QTGAL: variants seen among roughly 807,000 people sequenced by gnomAD.
The protein encoded by QTGAL is queuosine-tRNA galactosyltransferase, also known as BGnT-like protein 1.
the QTGAL span, among the ~76,000 whole-genome samples, chr17:83,029,485 G>A: frequency 6.6e-6 from 1 of 152,160 alleles, no homozygotes; most frequent in Admixed American, 6.5e-5. Flanking sequence ...GATAAGCATC[G>A]TGGTCACCTG....
At chr17:82,970,983 A>G in the QTGAL span, among the ~76,000 whole-genome samples, 295 of 152,134 alleles carry the variant, frequency 1.9e-3, 1 homozygote, top group African/African-American at 6.5e-3. Flanking sequence ...AGAGAAACCG[A>G]GGCAGCCGGG....
chr17:82,970,616 C>A, the QTGAL span, among the ~76,000 whole-genome samples: 2 of 31,210 alleles, frequency 6.4e-5, no homozygotes, highest in Non-Finnish European at 1.4e-4. Context: ...CGCGACCTCC[C>A]CACCCGGCGT....
At chr17:83,011,619 T>G in the QTGAL span, 1 of 152,170 alleles carries the variant, frequency 6.6e-6, no homozygotes, top group East Asian at 1.9e-4. Context: ...ATCCCTAAGC[T>G]TCCTCCAGAA....
At chr17:83,027,699 CAAAAAAAAA>C in the QTGAL span, among the ~76,000 whole-genome samples, 1 of 31,508 alleles carries the variant, frequency 3.2e-5, no homozygotes, top group East Asian at 1.3e-3. Context: ...GAGACGCTCT[CAAAAAAAAA>C]AAAAAAAAAA....
chr17:83,018,091 C>T, the QTGAL span, among the ~76,000 whole-genome samples: 81 of 145,264 alleles, frequency 5.6e-4, no homozygotes, highest in Non-Finnish European at 8.7e-4. Flanking sequence ...GAACACCGTG[C>T]GCCTGTATCA....
At chr17:83,048,610 G>C in the QTGAL span, 29 of 1,605,214 alleles carry the variant, frequency 1.8e-5, no homozygotes, top group Admixed American at 1.2e-4. Flanking sequence ...ACTTCCCTCC[G>C]AACAGTCAAC....
chr17:83,048,584 A>C, the QTGAL span: 1 of 1,610,812 alleles, frequency 6.2e-7, no homozygotes, highest in Non-Finnish European at 8.5e-7. Flanking sequence ...AAAGCAGAAC[A>C]CTGGCAGGTC....
the QTGAL span, among the ~76,000 whole-genome samples, chr17:83,001,508 C>T: frequency 1.3e-5 from 2 of 151,396 alleles, no homozygotes; most frequent in African/African-American, 2.4e-5. Context: ...AGGAACACTT[C>T]GGCATCCTTC....
At chr17:83,036,110 C>G in the QTGAL span, among the ~76,000 whole-genome samples, 1 of 152,350 alleles carries the variant, frequency 6.6e-6, no homozygotes, top group African/African-American at 2.4e-5. Flanking sequence ...AGAACTTAAT[C>G]TGCATGGCCA....
At chr17:83,048,251 C>T in the QTGAL span, among the ~76,000 whole-genome samples, 1 of 152,202 alleles carries the variant, frequency 6.6e-6, no homozygotes, top group East Asian at 1.9e-4. Flanking sequence ...TGGTCTTGAA[C>T]TCTTGACCTC....
the QTGAL span, among the ~76,000 whole-genome samples, chr17:83,019,062 G>A: frequency 7.9e-5 from 12 of 152,288 alleles, no homozygotes; most frequent in East Asian, 1.5e-3. Flanking sequence ...ACCAGGAGAC[G>A]CACGATGACG....
At chr17:82,998,820 G>A in the QTGAL span, among the ~76,000 whole-genome samples, 1 of 152,092 alleles carries the variant, frequency 6.6e-6, no homozygotes, top group Non-Finnish European at 1.5e-5. Context: ...ATGGGCAAAG[G>A]ATGTGAACAG....
the QTGAL span, among the ~76,000 whole-genome samples, chr17:83,004,472 G>C: frequency 1.2e-4 from 1 of 8,366 alleles, no homozygotes; most frequent in Non-Finnish European, 2.2e-4. Flanking sequence ...ACTCTCTGCA[G>C]TCCGCGTGTG....
At chr17:82,994,060 G>A in the QTGAL span, among the ~76,000 whole-genome samples, 1 of 151,908 alleles carries the variant, frequency 6.6e-6, no homozygotes, top group Non-Finnish European at 1.5e-5. Context: ...CAAAAAAGAA[G>A]AAAACCTTCA....
chr17:82,991,515 T>G, the QTGAL span, among the ~76,000 whole-genome samples: 2 of 152,194 alleles, frequency 1.3e-5, no homozygotes, highest in African/African-American at 2.4e-5. Context: ...CCCAGCCAAG[T>G]GGAATGCAGA....
the QTGAL span, among the ~76,000 whole-genome samples, chr17:83,024,266 C>G: frequency 6.9e-6 from 1 of 145,702 alleles, no homozygotes; most frequent in African/African-American, 2.8e-5. Context: ...GCCAGCTCAG[C>G]GGCAGCCTCC....
chr17:83,042,717 A>G, the QTGAL span, among the ~76,000 whole-genome samples: 1 of 152,230 alleles, frequency 6.6e-6, no homozygotes. Flanking sequence ...CTTTAAATGT[A>G]AATGGACTAA....
At chr17:82,990,811 G>A in the QTGAL span, among the ~76,000 whole-genome samples, 2 of 152,092 alleles carry the variant, frequency 1.3e-5, no homozygotes, top group African/African-American at 4.8e-5. Flanking sequence ...GGGCTCTACT[G>A]GGATCAGTGT....
the QTGAL span, among the ~76,000 whole-genome samples, chr17:82,954,602 G>C: frequency 2.0e-5 from 3 of 152,226 alleles, no homozygotes; most frequent in East Asian, 5.8e-4. Flanking sequence ...AGCTGCCATT[G>C]ACTTTATTCA....
Sources: allele counts gnomAD v4.1 joint callset (sites outside exome capture counted in the v4.1 genomes callset), GRCh38; gene constraint gnomAD v4.1.1; transcripts MANE v1.5; gene names NCBI Gene and HGNC (gene_info 2026-07-23, HGNC 2026-07-21).